The following DSCAM variants were observed in gnomAD, a reference collection of about 807,000 sequenced individuals.
The protein encoded by DSCAM is DS cell adhesion molecule.
DSCAM carries 47 observed loss-of-function variants against 217.7 expected under a neutral mutation model. The observed-to-expected ratio is 0.22, with a 90% CI of 0.17 to 0.28. The LOEUF (loss-of-function observed/expected upper bound fraction) is 0.28. DSCAM is among the 10% of genes least tolerant of loss of function. The pLI is 1.00. For synonymous variants in DSCAM, 1,056 were observed against 1,015.3 expected, an observed-to-expected ratio of 1.04 and a Z score of -0.76; for missense variants, 2,080 against 2,618.3, an observed-to-expected ratio of 0.79 and a Z score of 4.49.
chr21:40,028,838 A>G (rs2088457000), intron 32 of DSCAM, among the ~76,000 whole-genome samples: 2 of 152,166 alleles, frequency 1.3e-5, no homozygotes, highest in Non-Finnish European at 2.9e-5. Flanking sequence ...AGCTGTTCCT[A>G]TTCGCACTTA....
At chr21:40,673,649 T>C (rs955847805) in intron 3 of DSCAM, among the ~76,000 whole-genome samples, 1 of 152,182 alleles carries the variant, frequency 6.6e-6, no homozygotes, top group Admixed American at 6.5e-5. Flanking sequence ...GATTAGATCA[T>C]GGGGGTGGAT....
intron 3 of DSCAM, among the ~76,000 whole-genome samples, chr21:40,454,248 T>G (rs547185579): frequency 1.3e-5 from 2 of 152,338 alleles, no homozygotes; most frequent in East Asian, 3.9e-4. Flanking sequence ...AATGAAACAA[T>G]GAAGGTGTCA....
At chr21:40,079,485 C>T (rs2089421045) in intron 25 of DSCAM, among the ~76,000 whole-genome samples, 1 of 152,272 alleles carries the variant, frequency 6.6e-6, no homozygotes, top group East Asian at 1.9e-4. Flanking sequence ...AACTGTGGCA[C>T]CAGGCACAAA....
intron 4 of DSCAM, among the ~76,000 whole-genome samples, chr21:40,361,987 T>C (rs1413225506): frequency 6.6e-6 from 1 of 152,210 alleles, no homozygotes; most frequent in East Asian, 1.9e-4. Context: ...GTGTTCTCAT[T>C]GTTCAATTCC....
At chr21:40,601,183 T>C (rs1216997941) in intron 3 of DSCAM, among the ~76,000 whole-genome samples, 1 of 152,216 alleles carries the variant, frequency 6.6e-6, no homozygotes, top group Non-Finnish European at 1.5e-5. Flanking sequence ...TTTCTATATA[T>C]CTTGTCTATT....
intron 11 of DSCAM, among the ~76,000 whole-genome samples, chr21:40,198,391 G>A (rs865884675): frequency 5.9e-5 from 9 of 152,098 alleles, no homozygotes; most frequent in Admixed American, 2.0e-4. Context: ...TAACAGCCCT[G>A]TGACTTGGCA....
At chr21:40,115,088 C>T (rs1186066744) in intron 20 of DSCAM, among the ~76,000 whole-genome samples, 1 of 152,152 alleles carries the variant, frequency 6.6e-6, no homozygotes, top group Non-Finnish European at 1.5e-5. Flanking sequence ...GATTATAAAA[C>T]ATGCTGCTAT....
intron 2 of DSCAM, among the ~76,000 whole-genome samples, chr21:40,702,562 T>C (rs1342856579): frequency 6.6e-6 from 1 of 152,214 alleles, no homozygotes; most frequent in African/African-American, 2.4e-5. Context: ...TTAAGCAGTG[T>C]TAAATCCAAT....
At chr21:40,212,025 A>T (rs1360746699) in intron 11 of DSCAM, among the ~76,000 whole-genome samples, 2 of 151,558 alleles carry the variant, frequency 1.3e-5, no homozygotes, top group Non-Finnish European at 2.9e-5. Flanking sequence ...GCTGGAGTTC[A>T]GTGGCCCAAT....
chr21:40,580,913 G>T (rs978181897), intron 3 of DSCAM, among the ~76,000 whole-genome samples: 1 of 152,162 alleles, frequency 6.6e-6, no homozygotes, highest in Admixed American at 6.5e-5. Flanking sequence ...GAAAAAGAAA[G>T]ACTGGAAACA....
chr21:40,466,835 C>T (rs971293668), intron 3 of DSCAM, among the ~76,000 whole-genome samples: 3 of 152,128 alleles, frequency 2.0e-5, no homozygotes, highest in South Asian at 2.1e-4. Context: ...TGGCTTCTCC[C>T]GGACAAATAC....
intron 3 of DSCAM, among the ~76,000 whole-genome samples, chr21:40,681,213 C>T (rs536497018): frequency 1.3e-5 from 2 of 152,350 alleles, no homozygotes; most frequent in African/African-American, 2.4e-5. Context: ...CCGTGGCACC[C>T]GAAAGTGAGG....
At chr21:40,062,723 G>T (rs1432937168) in intron 28 of DSCAM, 146 bp downstream of exon 28, 2 of 651,866 alleles carry the variant, frequency 3.1e-6, no homozygotes, top group South Asian at 2.8e-5. Flanking sequence ...GGATATTTTG[G>T]AATGTATAGG....
intron 11 of DSCAM, among the ~76,000 whole-genome samples, chr21:40,198,701 G>A (rs2091040363): frequency 6.6e-6 from 1 of 152,216 alleles, no homozygotes; most frequent in African/African-American, 2.4e-5. Context: ...GGGGAGCCTG[G>A]GGCTCCAGGG....
At chr21:40,741,312 A>G (rs1215459944) in intron 1 of DSCAM, among the ~76,000 whole-genome samples, 2 of 152,200 alleles carry the variant, frequency 1.3e-5, no homozygotes, top group African/African-American at 4.8e-5. Context: ...ATATATTTAA[A>G]ATGGACAAAT....
chr21:40,135,315 AG>A (rs1316951505), intron 18 of DSCAM, among the ~76,000 whole-genome samples: 4 of 152,230 alleles, frequency 2.6e-5, no homozygotes, highest in Admixed American at 2.6e-4. Flanking sequence ...GCCTCCATAT[AG>A]GGAGTGGATG....
intron 3 of DSCAM, among the ~76,000 whole-genome samples, chr21:40,467,930 CAAAAAA>C (rs56379350): frequency 3.4e-4 from 29 of 84,426 alleles, no homozygotes; most frequent in Admixed American, 1.5e-3. Context: ...AAAGATTAAC[CAAAAAA>C]AAAAAAAAAA....
At chr21:40,285,552 T>G (rs2073814165) in intron 10 of DSCAM, among the ~76,000 whole-genome samples, 1 of 152,146 alleles carries the variant, frequency 6.6e-6, no homozygotes, top group African/African-American at 2.4e-5. Flanking sequence ...AAGGCAGGTT[T>G]TCTGCTCTGC....
At position 40,401,940 on chromosome 21, in the gene DSCAM, A is replaced by G. The variant is rs551125525; in HGVS notation, c.509-32695T>C. On this transcript the variant is annotated intron_variant, in intron 3 of 32. Coordinates refer to ENST00000400454, the MANE Select transcript of DSCAM (RefSeq NM_001389.5). ...TTTACACCCAACTGAGCAGAGCAAC[A>G]CTGGACAATAATCAAATGTTTCCCC... Among the ~76,000 whole-genome samples, 11 of 151,822 alleles carry G rather than the reference A, an allele frequency of 7.2e-5. No homozygotes were observed. In the South Asian group the frequency reaches 2.3e-3, roughly 32 times the overall value.
Sources: gnomAD v4.1 joint callset for allele counts (sites outside exome capture counted in the v4.1 genomes callset) on GRCh38, gnomAD v4.1.1 for gene constraint, MANE v1.5 for transcripts, NCBI Gene and HGNC (gene_info 2026-07-23, HGNC 2026-07-21) for gene names.